The following PBX1 variants were observed in gnomAD, a reference collection of about 807,000 sequenced individuals.
PBX1 encodes pre-B-cell leukemia transcription factor 1.
Under a neutral mutation model 53.4 loss-of-function variants are expected in PBX1, and 6 were observed. The ratio of observed to expected loss-of-function variants is 0.11; its 90% CI spans 0.06 to 0.22. PBX1 has a LOEUF of 0.22. PBX1 is among the 10% of genes least tolerant of loss of function. The probability of loss-of-function intolerance (pLI) is 1.00; values close to 1 mark genes in which losing one functional copy is unlikely to be tolerated. For missense variants in PBX1, 251 were observed against 551.4 expected (o/e 0.46, Z 5.46); for synonymous variants, 204 against 212.3 (o/e 0.96, Z 0.34).
intron 2 of PBX1, among the ~76,000 whole-genome samples, chr1:164,666,128 A>G (rs1049962647): frequency 6.6e-6 from 1 of 152,138 alleles, no homozygotes; most frequent in Non-Finnish European, 1.5e-5. Context: ...ACCGTTCACT[A>G]TTCCCACGAA....
intron 2 of PBX1, among the ~76,000 whole-genome samples, chr1:164,882,951 C>G (rs1183206152): frequency 6.6e-6 from 1 of 152,194 alleles, no homozygotes; most frequent in Admixed American, 6.5e-5. Flanking sequence ...TTTTCTCTTC[C>G]TCAAGCTCTA....
chr1:164,638,692 G>T (rs920109067), intron 2 of PBX1, among the ~76,000 whole-genome samples: 2 of 152,192 alleles, frequency 1.3e-5, no homozygotes, highest in East Asian at 3.9e-4. Context: ...AAAGGCAGGT[G>T]ATCCCTGCTG....
chr1:164,639,695 C>T (rs964202843), intron 2 of PBX1: 2 of 152,196 alleles, frequency 1.3e-5, no homozygotes, highest in Non-Finnish European at 2.9e-5. Flanking sequence ...CAGGGTCTTG[C>T]TCTGTCACTC....
chr1:164,664,396 G>C (rs1014920479), intron 2 of PBX1, among the ~76,000 whole-genome samples: 1 of 152,106 alleles, frequency 6.6e-6, no homozygotes, highest in Non-Finnish European at 1.5e-5. Context: ...ACCACAATTG[G>C]GAAGCTGTGG....
intron 2 of PBX1, among the ~76,000 whole-genome samples, chr1:164,608,582 T>G (rs1056842500): frequency 6.6e-6 from 1 of 152,218 alleles, no homozygotes; most frequent in Non-Finnish European, 1.5e-5. Context: ...TCATCTCTAT[T>G]AGACAGATGA....
intron 8 of PBX1, among the ~76,000 whole-genome samples, chr1:164,830,574 T>G (rs4657378): frequency 0.42 from 63,422 of 151,978 alleles, 13,612 homozygotes; most frequent in Non-Finnish European, 0.44. Flanking sequence ...ATGGTTTTTT[T>G]GAAATAATTT....
At chr1:164,809,546 G>C (rs1254059240) in intron 5 of PBX1, among the ~76,000 whole-genome samples, 1 of 152,108 alleles carries the variant, frequency 6.6e-6, no homozygotes, top group African/African-American at 2.4e-5. Context: ...GGATCCTAGG[G>C]AACTCACTCT....
At chr1:164,862,224 A>G (rs915024127) in intron 2 of PBX1, among the ~76,000 whole-genome samples, 1 of 152,134 alleles carries the variant, frequency 6.6e-6, no homozygotes, top group African/African-American at 2.4e-5. Context: ...AGGAAAGTTC[A>G]TTTGCCTTCA....
intron 2 of PBX1, among the ~76,000 whole-genome samples, chr1:164,637,989 C>T (rs1026105419): frequency 1.3e-4 from 20 of 152,192 alleles, no homozygotes; most frequent in East Asian, 1.9e-4. Flanking sequence ...ATAGAGCCAT[C>T]GTGCTCTGGG....
chr1:164,756,716 A>G (rs950686387), intron 2 of PBX1, among the ~76,000 whole-genome samples: 4 of 152,236 alleles, frequency 2.6e-5, no homozygotes, highest in Non-Finnish European at 4.4e-5. Flanking sequence ...TGTTTATAAA[A>G]CAAATAGAAG....
chr1:164,723,135 G>T (rs73025061), intron 2 of PBX1, among the ~76,000 whole-genome samples: 3,379 of 152,240 alleles, frequency 0.022, 139 homozygotes, highest in African/African-American at 0.078. Context: ...GTACCAGATT[G>T]TACATGTACC....
chr1:164,802,777 T>C (rs1189638969), intron 4 of PBX1, among the ~76,000 whole-genome samples: 1 of 152,160 alleles, frequency 6.6e-6, no homozygotes. Context: ...CATTCATTCA[T>C]TCATTCATTC....
At chr1:164,567,623 A>T (rs1664569249) in intron 2 of PBX1, among the ~76,000 whole-genome samples, 1 of 152,218 alleles carries the variant, frequency 6.6e-6, no homozygotes. Flanking sequence ...GACCTACAAC[A>T]ATATAACTCT....
chr1:164,736,573 G>C (rs1481837907), intron 2 of PBX1, among the ~76,000 whole-genome samples: 1 of 152,102 alleles, frequency 6.6e-6, no homozygotes, highest in African/African-American at 2.4e-5. Context: ...AGCCACAGAA[G>C]GAACAATGAC....
intron 2 of PBX1, among the ~76,000 whole-genome samples, chr1:164,784,023 G>A (rs1334524946): frequency 6.6e-6 from 1 of 152,112 alleles, no homozygotes; most frequent in Non-Finnish European, 1.5e-5. Context: ...CCGACCAATG[G>A]CTCCACATTT....
chr1:164,716,971 A>G (rs996074048), intron 2 of PBX1, among the ~76,000 whole-genome samples: 1 of 152,146 alleles, frequency 6.6e-6, no homozygotes, highest in African/African-American at 2.4e-5. Context: ...GGGAGTTGAT[A>G]GTTAAGAGAA....
chr1:164,686,967 C>A (rs2800799), intron 2 of PBX1, among the ~76,000 whole-genome samples: 149,565 of 149,780 alleles, frequency 1, 74,676 homozygotes, highest in Middle Eastern at 1. Flanking sequence ...AAAAAAAAAA[C>A]CAAAAAAACG....
At chr1:164,834,015 G>A (rs562272715) in intron 8 of PBX1, among the ~76,000 whole-genome samples, 1 of 131,452 alleles carries the variant, frequency 7.6e-6, no homozygotes, top group Non-Finnish European at 1.6e-5. Flanking sequence ...CTGGATATGG[G>A]TATATATATG....
At chr1:164,655,100 G>GTTTTTTTT (rs35954587) in intron 2 of PBX1, among the ~76,000 whole-genome samples, 49 of 138,764 alleles carry the variant, frequency 3.5e-4, no homozygotes, top group Non-Finnish European at 4.9e-4. Flanking sequence ...TCTGATGTGT[G>GTTTTTTTT]TTTTTTTTTT....
Sources: allele counts gnomAD v4.1 joint callset (sites outside exome capture counted in the v4.1 genomes callset), GRCh38; gene constraint gnomAD v4.1.1; transcripts MANE v1.5; gene names NCBI Gene and HGNC (gene_info 2026-07-23, HGNC 2026-07-21).